Variants in SV2C observed in about 807,000 individuals in gnomAD.
SV2C encodes the protein solute carrier family 22 member B3.
SV2C carries 49 observed loss-of-function variants against 79.7 expected under a neutral mutation model. The observed-to-expected ratio is 0.61, with a 90% CI of 0.49 to 0.78. The LOEUF is 0.78. Among genes scored for constraint, SV2C ranks in the 30% least tolerant of loss-of-function variants. The probability of loss-of-function intolerance (pLI) is 0.00; values close to 1 mark genes in which losing one functional copy is unlikely to be tolerated. For missense variants in SV2C, 833 were observed against 912.9 expected (o/e 0.91, Z 1.13); for synonymous variants, 334 against 333.2 (o/e 1.00, Z -0.03).
At chr5:76,276,296 T>G (rs773066682) in intron 4 of SV2C, among the ~76,000 whole-genome samples, 4 of 152,244 alleles carry the variant, frequency 2.6e-5, no homozygotes, top group Non-Finnish European at 4.4e-5. Flanking sequence ...GGTCATTTCT[T>G]GAGGCCCTCA....
chr5:76,308,491 C>G (rs1748288603), intron 12 of SV2C, among the ~76,000 whole-genome samples: 1 of 152,196 alleles, frequency 6.6e-6, no homozygotes, highest in Non-Finnish European at 1.5e-5. Flanking sequence ...ATGTAGCTGG[C>G]AGTTGAGCTA....
chr5:76,244,633 T>C (rs1745891650), intron 4 of SV2C, among the ~76,000 whole-genome samples: 1 of 152,248 alleles, frequency 6.6e-6, no homozygotes, highest in Non-Finnish European at 1.5e-5. Flanking sequence ...TGCATTTCAA[T>C]TCAGATGCAA....
the SV2C span, among the ~76,000 whole-genome samples, chr5:75,975,129 A>G: frequency 6.6e-6 from 1 of 152,178 alleles, no homozygotes; most frequent in Non-Finnish European, 1.5e-5. Flanking sequence ...ACATAGTACC[A>G]CTGAAGAGCC....
chr5:76,157,528 A>G (rs1742768607), intron 2 of SV2C, among the ~76,000 whole-genome samples: 1 of 152,016 alleles, frequency 6.6e-6, no homozygotes, highest in South Asian at 2.1e-4. Flanking sequence ...CTCCCTTTTT[A>G]AAAACTGATT....
the SV2C span, among the ~76,000 whole-genome samples, chr5:76,021,438 A>G: frequency 6.6e-6 from 1 of 152,210 alleles, no homozygotes; most frequent in Non-Finnish European, 1.5e-5. Flanking sequence ...TTCAATTACG[A>G]TGGTACAGAT....
the SV2C span, among the ~76,000 whole-genome samples, chr5:75,973,056 C>T: frequency 6.6e-6 from 1 of 151,962 alleles, no homozygotes; most frequent in Non-Finnish European, 1.5e-5. Flanking sequence ...AACCATCGTT[C>T]TCAGCAAACT....
At chr5:76,088,066 G>A (rs1561209961) in intron 1 of SV2C, among the ~76,000 whole-genome samples, 1 of 152,124 alleles carries the variant, frequency 6.6e-6, no homozygotes, top group Non-Finnish European at 1.5e-5. Flanking sequence ...CATTTTACAT[G>A]AGCCCCAAAC....
intron 12 of SV2C, among the ~76,000 whole-genome samples, chr5:76,342,809 C>T (rs1445706942): frequency 6.6e-6 from 1 of 152,006 alleles, no homozygotes; most frequent in Non-Finnish European, 1.5e-5. Context: ...AACACACACT[C>T]AGTCTTTTAT....
chr5:76,186,123 A>G (rs950380369), intron 2 of SV2C, among the ~76,000 whole-genome samples: 8 of 152,110 alleles, frequency 5.3e-5, no homozygotes, highest in African/African-American at 1.7e-4. Context: ...TTCATTTGAG[A>G]CCACCTCAGC....
chr5:76,215,794 G>A (rs971739786), intron 4 of SV2C, among the ~76,000 whole-genome samples: 1 of 152,098 alleles, frequency 6.6e-6, no homozygotes, highest in Non-Finnish European at 1.5e-5. Flanking sequence ...CTTTGCTCTG[G>A]AGAGAAGGAA....
chr5:76,266,309 G>A (rs567592678), intron 4 of SV2C, among the ~76,000 whole-genome samples: 1 of 152,258 alleles, frequency 6.6e-6, no homozygotes, highest in South Asian at 2.1e-4. Flanking sequence ...CCAGGATCAA[G>A]GGACTCTCCT....
At chr5:76,338,602 C>T (rs915906472), downstream of SV2C, among the ~76,000 whole-genome samples, 4 of 152,090 alleles carry the variant, frequency 2.6e-5, no homozygotes, top group African/African-American at 9.7e-5. Context: ...GCCCCCTCTT[C>T]AGCCTCCCAC....
intron 2 of SV2C, among the ~76,000 whole-genome samples, chr5:76,155,942 CAAAAAAAAAAAAAAA>C (rs56340029): frequency 3.4e-5 from 2 of 58,070 alleles, no homozygotes; most frequent in African/African-American, 7.1e-5. Context: ...AGGTTTCTCT[CAAAAAAAAAAAAAAA>C]AAAAAAAAAA....
intron 4 of SV2C, among the ~76,000 whole-genome samples, chr5:76,240,558 C>T (rs986000735): frequency 1.3e-5 from 2 of 152,200 alleles, no homozygotes; most frequent in Non-Finnish European, 1.5e-5. Flanking sequence ...ATCTGTGACA[C>T]ATTCTACATG....
At chr5:76,081,333 T>A (rs1746983941), upstream of SV2C, among the ~76,000 whole-genome samples, 1 of 152,176 alleles carries the variant, frequency 6.6e-6, no homozygotes, top group Non-Finnish European at 1.5e-5. Context: ...AAGGTAACCG[T>A]TTGAGAACTC....
intron 4 of SV2C, among the ~76,000 whole-genome samples, chr5:76,244,413 T>C (rs1745885190): frequency 6.6e-6 from 1 of 152,210 alleles, no homozygotes; most frequent in Non-Finnish European, 1.5e-5. Context: ...AGTAGAAATA[T>C]AACATGAGCC....
intron 12 of SV2C, among the ~76,000 whole-genome samples, chr5:76,317,444 CACACACACACAT>C (rs1748664675): frequency 6.7e-6 from 1 of 149,994 alleles, no homozygotes; most frequent in African/African-American, 2.5e-5. Context: ...CCCCCCCCAA[CACACACACACAT>C]ACACACACAC....
At chr5:75,968,897 A>AG in the SV2C span, among the ~76,000 whole-genome samples, 2 of 151,892 alleles carry the variant, frequency 1.3e-5, no homozygotes, top group African/African-American at 4.9e-5. Flanking sequence ...GTTGAAATGA[A>AG]GGAAAAAATG....
chr5:76,214,997 A>C (rs1305243699), intron 4 of SV2C, among the ~76,000 whole-genome samples: 1 of 152,052 alleles, frequency 6.6e-6, no homozygotes, highest in Admixed American at 6.6e-5. Context: ...TCTGATTTTG[A>C]TTCCCTTTCT....
Sources: gnomAD v4.1 joint callset for allele counts (sites outside exome capture counted in the v4.1 genomes callset) on GRCh38, gnomAD v4.1.1 for gene constraint, MANE v1.5 for transcripts, NCBI Gene and HGNC (gene_info 2026-07-23, HGNC 2026-07-21) for gene names.